PLCB4: variants seen among roughly 807,000 people sequenced by gnomAD.
The protein encoded by PLCB4 is phospholipase C beta 4.
PLCB4 carries 77 observed loss-of-function variants against 178.8 expected under a neutral mutation model. The observed-to-expected ratio is 0.43, with a 90% CI of 0.36 to 0.52. The LOEUF is 0.52. Among genes scored for constraint, PLCB4 ranks in the 20% least tolerant of loss-of-function variants. The probability of loss-of-function intolerance (pLI) is 0.00; values close to 1 mark genes in which losing one functional copy is unlikely to be tolerated. For synonymous variants in PLCB4, 496 were observed against 490.8 expected (o/e 1.01, Z -0.14); for missense variants, 1,024 against 1,453.4 (o/e 0.70, Z 4.80).
intron 3 of PLCB4, among the ~76,000 whole-genome samples, chr20:9,277,925 A>G (rs976074871): frequency 6.6e-6 from 1 of 152,022 alleles, no homozygotes; most frequent in Non-Finnish European, 1.5e-5. Context: ...CCCTTAGAAT[A>G]AACAAATTAG....
chr20:9,180,321 A>G (rs886953547), intron 2 of PLCB4, among the ~76,000 whole-genome samples: 3 of 152,198 alleles, frequency 2.0e-5, no homozygotes, highest in African/African-American at 7.2e-5. Context: ...TTCAAAATAA[A>G]AAAGACCATT....
In PLCB4 at chr20:9,457,733, T is replaced by C. The variant is rs576670192; in HGVS notation, c.3072+244T>C. Among the ~76,000 whole-genome samples the C allele has an allele frequency of 6.6e-5, 10 of 152,292 alleles. No individual in the cohort carries two copies. In the East Asian group the frequency reaches 1.9e-3, roughly 29 times the overall value. On this transcript the variant is annotated intron_variant, in intron 34 of 39. Coordinates refer to ENST00000378473, the MANE Select transcript of PLCB4 (RefSeq NM_001377142.1). Reference sequence around the variant, plus strand: ...TGTTGAACTATGCTAACAATATTTATGTTGCCTGCCTCAGAGGCATCAAGG... The same window carrying C: ...TGTTGAACTATGCTAACAATATTTACGTTGCCTGCCTCAGAGGCATCAAGG...
intron 2 of PLCB4, among the ~76,000 whole-genome samples, chr20:9,186,686 T>G (rs2876162): frequency 0.48 from 73,022 of 151,966 alleles, 18,301 homozygotes; most frequent in African/African-American, 0.63. Context: ...TTTCCAGTGG[T>G]GTGGTCCAGG....
At chr20:9,145,468 A>G (rs1015359275) in intron 2 of PLCB4, among the ~76,000 whole-genome samples, 2 of 151,504 alleles carry the variant, frequency 1.3e-5, no homozygotes, top group Admixed American at 6.6e-5. Context: ...TTCAAAATTC[A>G]TAATGATCAC....
intron 3 of PLCB4, among the ~76,000 whole-genome samples, chr20:9,264,152 G>C (rs1163005097): frequency 6.6e-6 from 1 of 152,176 alleles, no homozygotes; most frequent in Non-Finnish European, 1.5e-5. Context: ...TAGAACATCT[G>C]TGGCAGCAAT....
chr20:9,410,183 C>T (rs571658967), intron 24 of PLCB4, among the ~76,000 whole-genome samples: 1 of 152,308 alleles, frequency 6.6e-6, no homozygotes, highest in African/African-American at 2.4e-5. Context: ...GGAGCCTCCC[C>T]AGTGACCAGA....
At chr20:9,146,896 T>G (rs1433663391) in intron 2 of PLCB4, among the ~76,000 whole-genome samples, 2 of 152,178 alleles carry the variant, frequency 1.3e-5, no homozygotes. Flanking sequence ...AGAGCTGAAA[T>G]TAGACCATAT....
intron 5 of PLCB4, among the ~76,000 whole-genome samples, chr20:9,337,778 C>T (rs907196360): frequency 6.6e-6 from 1 of 152,022 alleles, no homozygotes; most frequent in Non-Finnish European, 1.5e-5. Flanking sequence ...CAGCATTGCA[C>T]ATATATATGT....
At chr20:9,269,202 C>T (rs1025800768) in intron 3 of PLCB4, among the ~76,000 whole-genome samples, 11 of 152,122 alleles carry the variant, frequency 7.2e-5, no homozygotes, top group Admixed American at 1.3e-4. Context: ...TTAAAGTCCA[C>T]GGATATGCAA....
intron 23 of PLCB4, 73 bp downstream of exon 23, chr20:9,408,790 T>C (rs189278831): frequency 7.3e-5 from 58 of 795,460 alleles, no homozygotes; most frequent in Non-Finnish European, 1.2e-4. Flanking sequence ...AATAGATAAA[T>C]GGCTAATATC....
intron 2 of PLCB4, among the ~76,000 whole-genome samples, chr20:9,177,269 G>C (rs1255904624): frequency 6.6e-6 from 1 of 152,138 alleles, no homozygotes; most frequent in Non-Finnish European, 1.5e-5. Context: ...ATGAAATGCT[G>C]GAATTGCTGA....
At chr20:9,191,561 A>G (rs2093404609) in intron 2 of PLCB4, among the ~76,000 whole-genome samples, 1 of 152,036 alleles carries the variant, frequency 6.6e-6, no homozygotes, top group South Asian at 2.1e-4. Flanking sequence ...TCATGAACAG[A>G]CTAACACAAT....
intron 25 of PLCB4, among the ~76,000 whole-genome samples, chr20:9,416,106 C>T (rs140025327): frequency 7.2e-5 from 11 of 152,320 alleles, no homozygotes; most frequent in African/African-American, 1.9e-4. Flanking sequence ...CCCATTTCAC[C>T]GGAGCATGCC....
At chr20:9,458,183 T>C (rs922458702) in intron 34 of PLCB4, among the ~76,000 whole-genome samples, 4 of 152,196 alleles carry the variant, frequency 2.6e-5, no homozygotes, top group African/African-American at 7.2e-5. Flanking sequence ...TCTATCTATA[T>C]GCAGCTGTGT....
At chr20:9,379,919 C>G in intron 12 of PLCB4, 135 bp from the exon 13 acceptor site, 1 of 532,646 alleles carries the variant, frequency 1.9e-6, no homozygotes, top group Non-Finnish European at 3.4e-6. Context: ...GGCAGGAAGG[C>G]AGTGAGGTCC....
intron 2 of PLCB4, among the ~76,000 whole-genome samples, chr20:9,212,859 G>A (rs2093687329): frequency 6.6e-6 from 1 of 152,072 alleles, no homozygotes; most frequent in African/African-American, 2.4e-5. Flanking sequence ...CTTTCATGAA[G>A]TATAATTTAC....
intron 35 of PLCB4, among the ~76,000 whole-genome samples, chr20:9,461,485 G>C (rs561954055): frequency 2.4e-4 from 36 of 152,316 alleles, no homozygotes; most frequent in African/African-American, 8.7e-4. Flanking sequence ...AAGGGGTCAG[G>C]GGACTTCCCT....
At chr20:9,101,502 T>C (rs1423780874) in intron 2 of PLCB4, among the ~76,000 whole-genome samples, 1 of 152,182 alleles carries the variant, frequency 6.6e-6, no homozygotes, top group Non-Finnish European at 1.5e-5. Flanking sequence ...GCATAAATTA[T>C]GCGAGCAAGA....
At chr20:9,258,999 T>TA (rs962357280) in intron 3 of PLCB4, among the ~76,000 whole-genome samples, 15 of 152,016 alleles carry the variant, frequency 9.9e-5, no homozygotes, top group African/African-American at 3.4e-4. Context: ...AGGAATGCAA[T>TA]AAAAAAAATC....
Sources: allele counts gnomAD v4.1 joint callset (sites outside exome capture counted in the v4.1 genomes callset), GRCh38; gene constraint gnomAD v4.1.1; transcripts MANE v1.5; gene names NCBI Gene and HGNC (gene_info 2026-07-23, HGNC 2026-07-21).